Variants in TENM3 observed in about 807,000 individuals in gnomAD.
TENM3 encodes the protein teneurin-3.
TENM3 carries 63 observed loss-of-function variants against 255.1 expected under a neutral mutation model. That is an observed-to-expected ratio of 0.25 (90% CI 0.20 to 0.30). The LOEUF is 0.30. Ranked by LOEUF, TENM3 falls within the 10% of genes least tolerant of loss-of-function variation. TENM3 has a pLI of 1.00. For synonymous variants in TENM3, 1,306 were observed against 1,322.3 expected (o/e 0.99, Z 0.27); for missense variants, 2,929 against 3,461.1 (o/e 0.85, Z 3.86).
chr4:182,110,347 C>T, the TENM3 span, among the ~76,000 whole-genome samples: 182 of 151,890 alleles, frequency 1.2e-3, 6 homozygotes, highest in South Asian at 0.036. Flanking sequence ...TTTATTGAGA[C>T]AGGGTCTCGC....
chr4:181,811,997 T>C, the TENM3 span, among the ~76,000 whole-genome samples: 1 of 152,262 alleles, frequency 6.6e-6, no homozygotes, highest in Admixed American at 6.5e-5. Flanking sequence ...CTTTTGATGA[T>C]GGTTAATTTC....
the TENM3 span, among the ~76,000 whole-genome samples, chr4:181,639,650 G>T: frequency 1.3e-5 from 2 of 152,216 alleles, no homozygotes; most frequent in Admixed American, 6.5e-5. Context: ...TGAGGCCGGA[G>T]AATCGCTTGA....
At chr4:181,688,083 A>G in the TENM3 span, among the ~76,000 whole-genome samples, 2 of 152,138 alleles carry the variant, frequency 1.3e-5, no homozygotes, top group South Asian at 2.1e-4. Context: ...ACAATTTGAA[A>G]TATCTGCTCT....
At chr4:181,551,204 A>G in the TENM3 span, among the ~76,000 whole-genome samples, 1 of 152,168 alleles carries the variant, frequency 6.6e-6, no homozygotes, top group African/African-American at 2.4e-5. Context: ...TCAATTTCCA[A>G]TGGATTGAGG....
At chr4:182,064,445 G>T in the TENM3 span, among the ~76,000 whole-genome samples, 13 of 152,018 alleles carry the variant, frequency 8.6e-5, no homozygotes, top group Admixed American at 8.5e-4. Flanking sequence ...GGGCGTGGTG[G>T]CGGGCGCCTG....
At chr4:182,042,015 G>C in the TENM3 span, among the ~76,000 whole-genome samples, 1 of 152,162 alleles carries the variant, frequency 6.6e-6, no homozygotes, top group Non-Finnish European at 1.5e-5. Flanking sequence ...ATTTTGACTA[G>C]AGAGAATTTT....
chr4:181,933,870 T>G, the TENM3 span, among the ~76,000 whole-genome samples: 1 of 152,202 alleles, frequency 6.6e-6, no homozygotes, highest in African/African-American at 2.4e-5. Context: ...CAATAGATTT[T>G]TTGTGTATTT....
At chr4:182,081,615 G>A in the TENM3 span, 28 of 147,610 alleles carry the variant, frequency 1.9e-4, no homozygotes, top group African/African-American at 6.3e-4. Flanking sequence ...AGAAGAAGAA[G>A]AAGAAGAAGG....
At chr4:182,708,673 C>T (rs1174694642) in intron 12 of TENM3, among the ~76,000 whole-genome samples, 1 of 152,060 alleles carries the variant, frequency 6.6e-6, no homozygotes, top group Non-Finnish European at 1.5e-5. Flanking sequence ...TGGCGGGCGC[C>T]TGTAGTCCCA....
chr4:181,775,681 T>G, the TENM3 span, among the ~76,000 whole-genome samples: 1 of 152,182 alleles, frequency 6.6e-6, no homozygotes, highest in Non-Finnish European at 1.5e-5. Context: ...AAATCCTGGT[T>G]TAGAATGTCT....
the TENM3 span, among the ~76,000 whole-genome samples, chr4:182,110,932 T>A: frequency 6.6e-6 from 1 of 152,218 alleles, no homozygotes; most frequent in African/African-American, 2.4e-5. Context: ...TAGACTATGA[T>A]GTTGTGAAAA....
chr4:181,910,321 C>T, the TENM3 span, among the ~76,000 whole-genome samples: 1 of 151,872 alleles, frequency 6.6e-6, no homozygotes, highest in Non-Finnish European at 1.5e-5. Context: ...AATCCCAGCA[C>T]TTTGAGAGGC....
chr4:182,769,940 A>T (rs375749174), intron 22 of TENM3, among the ~76,000 whole-genome samples: 5 of 151,768 alleles, frequency 3.3e-5, no homozygotes, highest in African/African-American at 1.2e-4. Context: ...TCCCGTATCT[A>T]CTAAAAAATA....
At chr4:181,781,199 A>G in the TENM3 span, among the ~76,000 whole-genome samples, 1 of 152,174 alleles carries the variant, frequency 6.6e-6, no homozygotes, top group Non-Finnish European at 1.5e-5. Flanking sequence ...TTGAATCTAT[A>G]AATTACCTTG....
chr4:182,567,513 C>A (rs181224025), intron 3 of TENM3, among the ~76,000 whole-genome samples: 19 of 152,258 alleles, frequency 1.2e-4, no homozygotes, highest in African/African-American at 4.6e-4. Context: ...TTCTACATGA[C>A]CTGGCTCCTG....
At chr4:181,466,020 A>C in the TENM3 span, among the ~76,000 whole-genome samples, 1 of 152,152 alleles carries the variant, frequency 6.6e-6, no homozygotes, top group Non-Finnish European at 1.5e-5. Context: ...TACATGCCAT[A>C]GCTAACTTCA....
intron 4 of TENM3, among the ~76,000 whole-genome samples, chr4:182,610,257 C>T (rs74675510): frequency 0.11 from 17,109 of 152,230 alleles, 1,755 homozygotes; most frequent in East Asian, 0.44. Flanking sequence ...TGCATTCATT[C>T]ATTTATGCAG....
chr4:182,553,748 T>C (rs1742308265), intron 3 of TENM3, among the ~76,000 whole-genome samples: 1 of 152,212 alleles, frequency 6.6e-6, no homozygotes, highest in South Asian at 2.1e-4. Context: ...CCACAACAGC[T>C]TGATAACTCG....
At chr4:181,537,645 G>T in the TENM3 span, among the ~76,000 whole-genome samples, 82 of 152,260 alleles carry the variant, frequency 5.4e-4, no homozygotes, top group African/African-American at 1.9e-3. Flanking sequence ...CAACCTCCAG[G>T]TGATAAAGAT....
Sources: allele counts gnomAD v4.1 joint callset (sites outside exome capture counted in the v4.1 genomes callset), GRCh38; gene constraint gnomAD v4.1.1; transcripts MANE v1.5; gene names NCBI Gene and HGNC (gene_info 2026-07-23, HGNC 2026-07-21).